The following ZNF536 variants were observed in gnomAD, a reference collection of about 807,000 sequenced individuals.
The protein encoded by ZNF536 is zinc finger protein 536.
In ZNF536, 13 loss-of-function variants were observed where a neutral mutation model predicts 84.5. That is an observed-to-expected ratio of 0.15 (90% CI 0.10 to 0.24). ZNF536 has a LOEUF of 0.24. Among genes scored for constraint, ZNF536 ranks in the 10% least tolerant of loss-of-function variants. The probability of loss-of-function intolerance (pLI) is 1.00; values close to 1 mark genes in which losing one functional copy is unlikely to be tolerated. For missense variants in ZNF536, 1,536 were observed against 1,747.5 expected, an observed-to-expected ratio of 0.88 and a Z score of 2.16; for synonymous variants, 811 against 742.5, an observed-to-expected ratio of 1.09 and a Z score of -1.50.
chr19:30,278,163 C>T (rs1430407141), intron 1 of ZNF536, among the ~76,000 whole-genome samples: 1 of 152,174 alleles, frequency 6.6e-6, no homozygotes, highest in Admixed American at 6.5e-5. Context: ...ACATGCCATG[C>T]CACGTGGGGA....
chr19:30,651,438 G>GA (rs2049702271), intron 1 of ZNF536, among the ~76,000 whole-genome samples: 1 of 152,180 alleles, frequency 6.6e-6, no homozygotes, highest in Admixed American at 6.5e-5. Context: ...GGGGAGGGAG[G>GA]AAGGGAAGCT....
intron 1 of ZNF536, among the ~76,000 whole-genome samples, chr19:30,282,654 A>C (rs1035318588): frequency 2.6e-5 from 4 of 152,134 alleles, no homozygotes; most frequent in Non-Finnish European, 5.9e-5. Flanking sequence ...AAAGCAAATA[A>C]GTGTTTTCAG....
intron 1 of ZNF536, among the ~76,000 whole-genome samples, chr19:30,586,030 C>T (rs554006846): frequency 6.6e-6 from 1 of 152,222 alleles, no homozygotes; most frequent in South Asian, 2.1e-4. Context: ...TCCTCTAATC[C>T]CCCAATCACC....
chr19:30,500,278 G>A (rs928057282), intron 2 of ZNF536, among the ~76,000 whole-genome samples: 1 of 152,170 alleles, frequency 6.6e-6, no homozygotes, highest in Non-Finnish European at 1.5e-5. Context: ...TAGAATCTCA[G>A]CAGGATGCCA....
chr19:30,369,510 T>A (rs1488453387), upstream of ZNF536, among the ~76,000 whole-genome samples: 3 of 150,812 alleles, frequency 2.0e-5, no homozygotes, highest in African/African-American at 7.3e-5. Flanking sequence ...GATTGTGCAG[T>A]CTAGATGTTG....
At chr19:30,660,160 T>C (rs997006581) in intron 1 of ZNF536, among the ~76,000 whole-genome samples, 1 of 152,210 alleles carries the variant, frequency 6.6e-6, no homozygotes, top group African/African-American at 2.4e-5. Flanking sequence ...TCTGGAGACC[T>C]GCAGATCTGG....
At chr19:30,538,022 A>G (rs1196371258) in intron 3 of ZNF536, among the ~76,000 whole-genome samples, 2 of 152,234 alleles carry the variant, frequency 1.3e-5, no homozygotes, top group Admixed American at 1.3e-4. Flanking sequence ...AAATCACCCA[A>G]ATAAACATCT....
At chr19:30,670,204 C>T (rs979057133) in intron 1 of ZNF536, among the ~76,000 whole-genome samples, 14 of 152,028 alleles carry the variant, frequency 9.2e-5, no homozygotes, top group African/African-American at 3.1e-4. Flanking sequence ...TCCTCCCCAT[C>T]CCGCCCATCC....
At chr19:30,598,674 G>A (rs1460449287) in intron 1 of ZNF536, among the ~76,000 whole-genome samples, 1 of 151,834 alleles carries the variant, frequency 6.6e-6, no homozygotes, top group Non-Finnish European at 1.5e-5. Flanking sequence ...GGATAAACAT[G>A]GTGATTTTAC....
chr19:30,251,540 T>C (rs1489585685), intron 1 of ZNF536, among the ~76,000 whole-genome samples: 1 of 152,194 alleles, frequency 6.6e-6, no homozygotes, highest in Non-Finnish European at 1.5e-5. Flanking sequence ...TCGTGTGGCC[T>C]TGAAATTTAA....
chr19:30,384,120 C>CG (rs1171255903), intron 1 of ZNF536, among the ~76,000 whole-genome samples: 2 of 60,184 alleles, frequency 3.3e-5, no homozygotes, highest in African/African-American at 6.5e-5. Context: ...TTCTTTCTTT[C>CG]TTTCTTTCTT....
At chr19:30,494,952 G>GAAAAAAAAAAAAAAAAAAAAAAA (rs35362561) in intron 2 of ZNF536, among the ~76,000 whole-genome samples, 2 of 89,130 alleles carry the variant, frequency 2.2e-5, no homozygotes, top group Non-Finnish European at 5.3e-5. Context: ...TCTCAAAAAA[G>GAAAAAAAAAAAAAAAAAAAAAAA]AAAAAAAAAA....
At chr19:30,677,752 A>T (rs2050804583) in intron 1 of ZNF536, among the ~76,000 whole-genome samples, 1 of 152,208 alleles carries the variant, frequency 6.6e-6, no homozygotes, top group Admixed American at 6.5e-5. Context: ...TCAAGAAACC[A>T]CTTAAAAGCC....
At chr19:30,606,873 A>T (rs988808536) in intron 1 of ZNF536, among the ~76,000 whole-genome samples, 7 of 152,234 alleles carry the variant, frequency 4.6e-5, no homozygotes, top group African/African-American at 1.7e-4. Context: ...GCATAGGAAG[A>T]GGGTTCTTGT....
At chr19:30,662,545 G>C (rs1443291532) in intron 1 of ZNF536, among the ~76,000 whole-genome samples, 2 of 151,992 alleles carry the variant, frequency 1.3e-5, no homozygotes, top group Non-Finnish European at 2.9e-5. Flanking sequence ...GATGGGGGGG[G>C]ATAGTTTTTT....
At chr19:30,415,331 C>CTCT (rs946418225) in intron 1 of ZNF536, among the ~76,000 whole-genome samples, 1 of 138,332 alleles carries the variant, frequency 7.2e-6, no homozygotes, top group African/African-American at 2.7e-5. Flanking sequence ...CTTCTTCTTC[C>CTCT]TCTTCTTCTT....
At chr19:30,400,286 T>A (rs2049995160) in intron 1 of ZNF536, among the ~76,000 whole-genome samples, 1 of 152,170 alleles carries the variant, frequency 6.6e-6, no homozygotes, top group Non-Finnish European at 1.5e-5. Flanking sequence ...GTTTTATTTT[T>A]TATTTTTTAA....
At chr19:30,410,465 CTTTTTTTTTT>C (rs201561646) in intron 1 of ZNF536, among the ~76,000 whole-genome samples, 45 of 122,618 alleles carry the variant, frequency 3.7e-4, no homozygotes, top group African/African-American at 1.4e-3. Flanking sequence ...AAGTGAAGGT[CTTTTTTTTTT>C]TTTTTTTTTT....
chr19:30,535,573 AAGG>A (rs1262067904), intron 3 of ZNF536, among the ~76,000 whole-genome samples: 1 of 152,080 alleles, frequency 6.6e-6, no homozygotes, highest in Non-Finnish European at 1.5e-5. Flanking sequence ...CTCTTAGGCA[AAGG>A]GGGGCAAGTG....
Sources: gnomAD v4.1 joint callset for allele counts (sites outside exome capture counted in the v4.1 genomes callset) on GRCh38, gnomAD v4.1.1 for gene constraint, MANE v1.5 for transcripts, NCBI Gene and HGNC (gene_info 2026-07-23, HGNC 2026-07-21) for gene names.